The following RC3H1 variants were observed in gnomAD, a reference collection of about 807,000 sequenced individuals.
RC3H1 encodes ring finger and CCCH-type domains 1.
Under a neutral mutation model 138.2 loss-of-function variants are expected in RC3H1, and 50 were observed. The ratio of observed to expected loss-of-function variants is 0.36; its 90% CI spans 0.29 to 0.46. The LOEUF (loss-of-function observed/expected upper bound fraction) is 0.46, where lower values mean the gene tolerates loss of function less well. RC3H1 is among the 20% of genes least tolerant of loss of function. The pLI is 1.00. For missense variants in RC3H1, 1,031 were observed against 1,388.1 expected (o/e 0.74, Z 4.09); for synonymous variants, 462 against 489.1 (o/e 0.94, Z 0.73).
At chr1:174,014,206 A>G (rs1009416121) in intron 1 of RC3H1, among the ~76,000 whole-genome samples, 9 of 152,214 alleles carry the variant, frequency 5.9e-5, no homozygotes, top group Non-Finnish European at 1.3e-4. Context: ...TCCTAATGTG[A>G]ACTATGGACT....
chr1:174,001,694 G>T (rs1164028442), intron 1 of RC3H1, among the ~76,000 whole-genome samples: 1 of 152,158 alleles, frequency 6.6e-6, no homozygotes, highest in Non-Finnish European at 1.5e-5. Context: ...CTCCCAAAGT[G>T]CAGGGATTAT....
chr1:174,008,515 C>G (rs1661690138), intron 1 of RC3H1, among the ~76,000 whole-genome samples: 1 of 152,124 alleles, frequency 6.6e-6, no homozygotes, highest in African/African-American at 2.4e-5. Context: ...AGAATTATTT[C>G]TCAACTACTA....
At chr1:173,976,351 T>C (rs1160557220) in intron 7 of RC3H1, among the ~76,000 whole-genome samples, 4 of 151,804 alleles carry the variant, frequency 2.6e-5, no homozygotes, top group African/African-American at 7.2e-5. Context: ...CCTGTAATCC[T>C]AGCTACTCGG....
intron 1 of RC3H1, among the ~76,000 whole-genome samples, chr1:174,006,682 A>C (rs897647597): frequency 3.2e-4 from 48 of 152,326 alleles, no homozygotes; most frequent in Middle Eastern, 3.4e-3. Context: ...GACTGGTTTT[A>C]AGTAGGAACT....
intron 8 of RC3H1, among the ~76,000 whole-genome samples, chr1:173,970,960 CTT>C (rs373953604): frequency 3.8e-5 from 5 of 132,594 alleles, no homozygotes; most frequent in Non-Finnish European, 6.4e-5. Context: ...CTCATTTCCA[CTT>C]TTTTTTTTTT....
Position 174,022,194 on chromosome 1 carries a change from T to C in RC3H1, c.-249A>G. The C allele has an allele frequency of 5.1e-6, 2 of 395,778 alleles. No individual in the cohort carries two copies. Among genetic ancestry groups the C allele is most frequent in the Non-Finnish European group, 8.9e-6 (2 of 225,058 alleles). The allele number at this position is 395,778 out of a possible 1,614,324, so 24.5% of individuals were successfully genotyped here. ...CCGCCGCCGAGGCCACCGTTGACTC[T>C]GATTCTGTCCCAGGCCGCCGGGCCA... On this transcript the variant is annotated 5_prime_UTR_variant, in exon 1 of 20. Transcript: ENST00000367696. The surrounding 1 kb of genome is among the most constrained non-coding windows in gnomAD (Gnocchi z 4.2).
In RC3H1 at chr1:173,943,487, G is replaced by A; in HGVS notation, c.3090C>T (p.His1030=). ...TCTTCCCGATTTCCCTTTCCACCTG[G>A]TGCAGTTCCAAGCTCAACTGCTCAC... The part of the protein sequence containing the change: ...ISSEQLSLEL[H]QVEREIGKRT... Residue 1030 remains histidine (H), a synonymous_variant, in exon 18 of 20, where the codon CAC becomes CAT. Coordinates refer to ENST00000367696, the MANE Select transcript of RC3H1 (RefSeq NM_172071.4). The A allele has an allele frequency of 6.2e-7, 1 of 1,613,768 alleles. No individual in the cohort carries two copies. Among genetic ancestry groups the A allele is most frequent in the South Asian group, 1.1e-5 (1 of 91,032 alleles).
intron 1 of RC3H1, among the ~76,000 whole-genome samples, chr1:174,002,539 G>A (rs868092649): frequency 7.9e-5 from 12 of 152,128 alleles, no homozygotes; most frequent in Admixed American, 3.3e-4. Flanking sequence ...TTCAGGAGCT[G>A]AAAGAAATTT....
intron 1 of RC3H1, among the ~76,000 whole-genome samples, chr1:174,017,783 C>CCAAAAAAAAAAAAAAAAAAAAAAAAAAA (rs1165317766): frequency 1.4e-4 from 10 of 72,032 alleles, no homozygotes; most frequent in African/African-American, 5.1e-4. Flanking sequence ...TTTTCTTGCT[C>CCAAAAAAAAAAAAAAAAAAAAAAAAAAA]AAAAAAAAAA....
chr1:173,952,178 GAGAA>G (rs1339084889), intron 13 of RC3H1, 40 bp from the exon 14 acceptor site: 5 of 1,253,348 alleles, frequency 4.0e-6, no homozygotes, highest in East Asian at 2.6e-5. Flanking sequence ...AAAAAAAAAA[GAGAA>G]AGAAACAAAA....
intron 13 of RC3H1, among the ~76,000 whole-genome samples, chr1:173,960,107 CAAAAAAA>C (rs58330993): frequency 2.0e-5 from 1 of 51,124 alleles, no homozygotes; most frequent in African/African-American, 7.0e-5. Flanking sequence ...GACTCCGACT[CAAAAAAA>C]AAAAAAAAAA....
intron 2 of RC3H1, among the ~76,000 whole-genome samples, chr1:173,985,501 G>C (rs1660991188): frequency 8.2e-6 from 1 of 122,022 alleles, no homozygotes; most frequent in Non-Finnish European, 1.6e-5. Flanking sequence ...GTGAAAAGTA[G>C]TAATTCATTG....
intron 5 of RC3H1, 83 bp downstream of exon 5, chr1:173,982,644 T>G (rs1364020479): frequency 4.0e-6 from 5 of 1,265,812 alleles, no homozygotes; most frequent in Non-Finnish European, 5.4e-6. Flanking sequence ...ACAGGCAACT[T>G]TATTAAACTC....
chr1:174,012,385 T>C (rs1421851534), intron 1 of RC3H1, among the ~76,000 whole-genome samples: 18 of 152,202 alleles, frequency 1.2e-4, no homozygotes, highest in Non-Finnish European at 4.4e-5. Context: ...ATAGCTTCTA[T>C]AGATTTAACT....
At chr1:173,949,011 C>T (rs1403339989) in intron 14 of RC3H1, among the ~76,000 whole-genome samples, 1 of 151,782 alleles carries the variant, frequency 6.6e-6, no homozygotes, top group Non-Finnish European at 1.5e-5. Context: ...TGCCTAATTT[C>T]CCCTCATTTC....
intron 7 of RC3H1, 108 bp downstream of exon 7, chr1:173,978,380 A>T: frequency 8.8e-7 from 1 of 1,135,618 alleles, no homozygotes; most frequent in Non-Finnish European, 1.2e-6. Context: ...AAAGATCTGG[A>T]GTAACTACTT....
chr1:173,979,794 A>T (rs1219909411), intron 6 of RC3H1, among the ~76,000 whole-genome samples: 2 of 152,220 alleles, frequency 1.3e-5, no homozygotes, highest in African/African-American at 4.8e-5. Flanking sequence ...CTCCTGTCCA[A>T]ACCTAAGAGT....
In RC3H1 at chr1:173,984,721, C is replaced by T. The variant is rs1354080576; in HGVS notation, c.232-102G>A. 7.7e-6 allele frequency: 9 copies of T among 1,173,200 alleles called. No individual in the cohort carries two copies. In the East Asian group the frequency reaches 1.0e-4, roughly 13 times the overall value. The allele number at this position is 1,173,200 out of a possible 1,614,324, so 72.7% of individuals were successfully genotyped here. Reference sequence around the variant, plus strand: ...AATGCTGACACTGGTAACATCAAAACGCCCACTAAATTTACTGAATTCTTT... The same window carrying T: ...AATGCTGACACTGGTAACATCAAAATGCCCACTAAATTTACTGAATTCTTT... On this transcript the variant is annotated intron_variant, in intron 2 of 19. Transcript: ENST00000367696.
chr1:173,952,610 T>A (rs181489960), intron 13 of RC3H1, among the ~76,000 whole-genome samples: 1 of 152,198 alleles, frequency 6.6e-6, no homozygotes, highest in East Asian at 1.9e-4. Flanking sequence ...TTATAGTACA[T>A]GATGATGTAG....
Sources: allele counts gnomAD v4.1 joint callset (sites outside exome capture counted in the v4.1 genomes callset), GRCh38; gene constraint gnomAD v4.1.1; non-coding constraint Gnocchi (gnomAD v3.1); transcripts MANE v1.5; gene names NCBI Gene and HGNC (gene_info 2026-07-23, HGNC 2026-07-21).